Variants in PRR16 observed in about 807,000 individuals in gnomAD.
PRR16 encodes protein Largen.
In PRR16, 6 loss-of-function variants were observed where a neutral mutation model predicts 18.2. That is an observed-to-expected ratio of 0.33 (90% CI 0.18 to 0.65). The LOEUF (loss-of-function observed/expected upper bound fraction) is 0.65, where lower values mean the gene tolerates loss of function less well. Among genes scored for constraint, PRR16 ranks in the 30% least tolerant of loss-of-function variants. PRR16 has a pLI of 0.74. For synonymous variants in PRR16, 151 were observed against 147.8 expected (o/e 1.02, Z -0.16); for missense variants, 412 against 376.6 (o/e 1.09, Z -0.78).
the PRR16 span, among the ~76,000 whole-genome samples, chr5:120,746,526 T>A: frequency 6.6e-6 from 1 of 152,174 alleles, no homozygotes; most frequent in Non-Finnish European, 1.5e-5. Flanking sequence ...TATTTTTCCA[T>A]AATTTATCAG....
At chr5:120,649,057 A>C (rs1430824903) in intron 1 of PRR16, among the ~76,000 whole-genome samples, 1 of 152,124 alleles carries the variant, frequency 6.6e-6, no homozygotes, top group African/African-American at 2.4e-5. Context: ...ATCGTTTAAC[A>C]ATTGGCTCAC....
intron 1 of PRR16, among the ~76,000 whole-genome samples, chr5:120,485,791 C>T (rs1482566465): frequency 6.6e-6 from 1 of 152,116 alleles, no homozygotes; most frequent in Non-Finnish European, 1.5e-5. Context: ...CAGTGCTATC[C>T]CTCCTGCCTC....
At chr5:120,626,864 C>A (rs1211966652) in intron 1 of PRR16, among the ~76,000 whole-genome samples, 2 of 152,044 alleles carry the variant, frequency 1.3e-5, no homozygotes, top group East Asian at 3.9e-4. Flanking sequence ...TTGATACTGA[C>A]CTTATTTCTC....
At chr5:120,715,120 C>T in the PRR16 span, among the ~76,000 whole-genome samples, 17 of 151,968 alleles carry the variant, frequency 1.1e-4, 1 homozygote, top group South Asian at 2.7e-3. Flanking sequence ...AAAAAAAAGT[C>T]GTAGCCATAG....
In PRR16 at chr5:120,617,662, T is replaced by C. The variant is rs574930119; in HGVS notation, c.160-68292T>C. ...TTTATATATGTCAATTGTAGGAAAT[T>C]AATTTTAGTCATTAAAAAACAAAAA... is the stretch of plus-strand genomic sequence containing the variant. On this transcript the variant is annotated intron_variant, in intron 1 of 1. Transcript: ENST00000407149. Among the ~76,000 whole-genome samples, 18 of 152,290 alleles carry C rather than the reference T, an allele frequency of 1.2e-4. 1 individual carries two copies. The highest frequency in any genetic ancestry group is 4.3e-4 in the African/African-American group (18 of 41,586).
chr5:120,521,486 G>A (rs1044551402), intron 1 of PRR16, among the ~76,000 whole-genome samples: 8 of 151,820 alleles, frequency 5.3e-5, no homozygotes, highest in African/African-American at 1.9e-4. Flanking sequence ...TCTTTATGGG[G>A]CTCATTTTTT....
At chr5:120,486,185 A>G (rs1453958440) in intron 1 of PRR16, among the ~76,000 whole-genome samples, 1 of 152,234 alleles carries the variant, frequency 6.6e-6, no homozygotes, top group Non-Finnish European at 1.5e-5. Flanking sequence ...TTGCTGGGTC[A>G]AATGGTAGTT....
intron 1 of PRR16, among the ~76,000 whole-genome samples, chr5:120,581,994 A>G (rs1030850319): frequency 6.6e-6 from 1 of 152,166 alleles, no homozygotes; most frequent in Non-Finnish European, 1.5e-5. Context: ...TATAAAAAGG[A>G]CACCTGCAAT....
the PRR16 span, among the ~76,000 whole-genome samples, chr5:120,730,881 G>A: frequency 3.9e-5 from 6 of 152,208 alleles, no homozygotes; most frequent in Non-Finnish European, 7.4e-5. Context: ...GCAATGCTCA[G>A]CTGAGAATCT....
intron 1 of PRR16, among the ~76,000 whole-genome samples, chr5:120,564,110 A>T (rs1580729050): frequency 6.6e-6 from 1 of 152,144 alleles, no homozygotes; most frequent in African/African-American, 2.4e-5. Flanking sequence ...ACTGTGGCTG[A>T]GCTGCTATCC....
the PRR16 span, among the ~76,000 whole-genome samples, chr5:120,780,467 CATG>C: frequency 7.9e-5 from 12 of 152,030 alleles, no homozygotes; most frequent in African/African-American, 1.9e-4. Context: ...AAACATTTTT[CATG>C]ATAATATTTT....
Position 120,660,651 on chromosome 5 carries a change from C to G in PRR16, c.160-25303C>G, listed in dbSNP as rs1489935932. ...CAGATACAACAAAACCCCTGATTCCCTTGCTGTCAAGCCAATCTCCTCCAT... is the reference window on the plus strand; with the variant it reads ...CAGATACAACAAAACCCCTGATTCCGTTGCTGTCAAGCCAATCTCCTCCAT... On this transcript the variant is annotated intron_variant, in intron 1 of 1. Transcript: ENST00000407149. Among the ~76,000 whole-genome samples, 6 of 152,026 alleles carry G rather than the reference C, an allele frequency of 3.9e-5. No homozygotes were observed. The East Asian group carries it at 1.2e-3, about 29-fold the overall frequency.
At chr5:120,632,877 A>G (rs895105522) in intron 1 of PRR16, among the ~76,000 whole-genome samples, 2 of 152,194 alleles carry the variant, frequency 1.3e-5, no homozygotes, top group Non-Finnish European at 2.9e-5. Flanking sequence ...AGAAGCTCAA[A>G]TAACACCTGG....
intron 1 of PRR16, among the ~76,000 whole-genome samples, chr5:120,669,986 T>C (rs1336420797): frequency 6.6e-6 from 1 of 152,098 alleles, no homozygotes; most frequent in African/African-American, 2.4e-5. Context: ...TTTTAAATGT[T>C]ATAATGCATA....
At chr5:120,650,156 G>A (rs1176051176) in intron 1 of PRR16, among the ~76,000 whole-genome samples, 1 of 151,220 alleles carries the variant, frequency 6.6e-6, no homozygotes, top group East Asian at 2.0e-4. Flanking sequence ...AGTGGAGGTT[G>A]CAGTGAGCCA....
chr5:120,682,082 C>T (rs1043662473), intron 1 of PRR16, among the ~76,000 whole-genome samples: 2 of 152,200 alleles, frequency 1.3e-5, no homozygotes, highest in African/African-American at 2.4e-5. Context: ...CAAAGGCTCT[C>T]ACAGGATAGC....
chr5:120,562,753 A>T (rs577294853), intron 1 of PRR16, among the ~76,000 whole-genome samples: 1 of 152,178 alleles, frequency 6.6e-6, no homozygotes, highest in Non-Finnish European at 1.5e-5. Flanking sequence ...AGACAAAAAC[A>T]TGGAATTAAA....
At chr5:120,528,393 T>G (rs1334020202) in intron 1 of PRR16, among the ~76,000 whole-genome samples, 2 of 152,168 alleles carry the variant, frequency 1.3e-5, no homozygotes, top group African/African-American at 4.8e-5. Flanking sequence ...GCCAGACACA[T>G]TATTTTGTAG....
chr5:120,493,237 T>C (rs1473912429), intron 1 of PRR16, among the ~76,000 whole-genome samples: 3 of 152,240 alleles, frequency 2.0e-5, no homozygotes, highest in African/African-American at 7.2e-5. Context: ...TTTTACTTTT[T>C]AATTATGGCC....
Sources: gnomAD v4.1 joint callset for allele counts (sites outside exome capture counted in the v4.1 genomes callset) on GRCh38, gnomAD v4.1.1 for gene constraint, MANE v1.5 for transcripts, NCBI Gene and HGNC (gene_info 2026-07-23, HGNC 2026-07-21) for gene names.